The following SLC25A21 variants were observed in gnomAD, a reference collection of about 807,000 sequenced individuals.
SLC25A21 encodes mitochondrial 2-oxodicarboxylate carrier.
A neutral mutation model predicts 43.8 loss-of-function variants in SLC25A21; 47 were observed. That is an observed-to-expected ratio of 1.07 (90% CI 0.85 to 1.37). SLC25A21 has a LOEUF of 1.37. Among genes scored for constraint, SLC25A21 ranks in the 40% most tolerant of loss-of-function variants. The pLI, the probability that SLC25A21 is intolerant of heterozygous loss-of-function variation, is 0.00. For synonymous variants in SLC25A21, 131 were observed against 121.3 expected (o/e 1.08, Z -0.52); for missense variants, 352 against 350.2 (o/e 1.00, Z -0.04).
rs1882177216 is a variant in SLC25A21 at position 36,680,425 on chromosome 14, TTAAA to T, written c.*229_*232del. On this transcript the variant is annotated 3_prime_UTR_variant, in exon 10 of 10. Transcript: ENST00000331299. ...TCTATGCTATTTTTCTATATTCACT[TTAAA>T]TACCTCATTGTTTCATATTATTTTT... is the stretch of plus-strand genomic sequence containing the variant. The T allele has an allele frequency of 2.6e-6, 3 of 1,151,614 alleles. No individual in the cohort carries two copies. Among genetic ancestry groups the T allele is most frequent in the Non-Finnish European group, 3.2e-6 (3 of 929,274 alleles). 71.3% of individuals were successfully genotyped at this position (1,151,614 alleles called of 1,614,324 possible). A position where few individuals can be genotyped will look rare whatever the true frequency, so the allele number is the denominator to read the frequency against.
intron 1 of SLC25A21, among the ~76,000 whole-genome samples, chr14:36,915,649 T>C (rs141675012): frequency 2.8e-4 from 43 of 152,268 alleles, no homozygotes; most frequent in Admixed American, 1.4e-3. Flanking sequence ...CATCTGACTT[T>C]AATTGAACAG....
intron 6 of SLC25A21, among the ~76,000 whole-genome samples, chr14:36,716,298 C>A (rs907841991): frequency 6.6e-6 from 1 of 151,868 alleles, no homozygotes; most frequent in Non-Finnish European, 1.5e-5. Flanking sequence ...GGGTGCAAAG[C>A]GTCAGCAGGA....
intron 1 of SLC25A21, among the ~76,000 whole-genome samples, chr14:37,019,171 T>G (rs1355759150): frequency 6.6e-6 from 1 of 151,954 alleles, no homozygotes; most frequent in African/African-American, 2.4e-5. Context: ...CCACCAGCTC[T>G]CCAACCTCAT....
chr14:36,789,099 T>A (rs2138394592), intron 3 of SLC25A21, among the ~76,000 whole-genome samples: 1 of 152,374 alleles, frequency 6.6e-6, no homozygotes, highest in East Asian at 1.9e-4. Context: ...ATTGTCCACT[T>A]AATTTCATTT....
intron 2 of SLC25A21, among the ~76,000 whole-genome samples, chr14:36,871,903 A>T (rs571825787): frequency 6.1e-4 from 93 of 152,336 alleles, no homozygotes; most frequent in African/African-American, 2.2e-3. Context: ...CATAAAAATT[A>T]CAGGAAAAAT....
intron 1 of SLC25A21, among the ~76,000 whole-genome samples, chr14:37,084,358 T>C (rs74407029): frequency 0.048 from 7,297 of 152,284 alleles, 577 homozygotes; most frequent in African/African-American, 0.17. Flanking sequence ...GATGATGAAC[T>C]GGTGGTAGGG....
intron 1 of SLC25A21, among the ~76,000 whole-genome samples, chr14:37,055,773 C>T (rs1950815): frequency 0.013 from 1,974 of 152,190 alleles, 31 homozygotes; most frequent in African/African-American, 0.04. Flanking sequence ...TAAAAGAGTA[C>T]GTAATAGCTC....
chr14:36,858,678 G>A (rs746671223), intron 2 of SLC25A21, among the ~76,000 whole-genome samples: 54 of 152,100 alleles, frequency 3.6e-4, no homozygotes, highest in Non-Finnish European at 6.3e-4. Flanking sequence ...CCCTGTTACC[G>A]CTTGAAACCT....
chr14:36,817,215 GAA>G (rs11417899), intron 2 of SLC25A21, among the ~76,000 whole-genome samples: 1 of 150,950 alleles, frequency 6.6e-6, no homozygotes, highest in African/African-American at 2.4e-5. Flanking sequence ...AAAGAAATAT[GAA>G]AAAAAAACCT....
chr14:36,937,966 A>G (rs1402123547), intron 1 of SLC25A21, among the ~76,000 whole-genome samples: 40 of 152,148 alleles, frequency 2.6e-4, no homozygotes. Flanking sequence ...AAATCCATCT[A>G]TTATTTCAGA....
In SLC25A21 at chr14:36,846,124, T is replaced by C. The variant is rs562659315; in HGVS notation, c.119+28832A>G. ...TTTACATTTAAACCCCCAAACCACA[T>C]TACTTCGCCTTGCAACTTAGTGAAC... On this transcript the variant is annotated intron_variant, in intron 2 of 9. Transcript: ENST00000331299. 9.2e-5 allele frequency among the ~76,000 whole-genome samples: 14 copies of C among 152,304 alleles called. No individual in the cohort carries two copies. In the South Asian group the frequency reaches 2.9e-3, roughly 32 times the overall value.
chr14:37,031,746 A>G (rs1961215461), intron 1 of SLC25A21, among the ~76,000 whole-genome samples: 1 of 152,236 alleles, frequency 6.6e-6, no homozygotes, highest in Non-Finnish European at 1.5e-5. Context: ...AAAGGACCTT[A>G]GAAACTATCA....
At chr14:36,750,409 G>C (rs2139258221) in intron 3 of SLC25A21, among the ~76,000 whole-genome samples, 1 of 152,256 alleles carries the variant, frequency 6.6e-6, no homozygotes, top group African/African-American at 2.4e-5. Context: ...TCTCCATGGA[G>C]GCAGAACCTA....
intron 3 of SLC25A21, among the ~76,000 whole-genome samples, chr14:36,810,226 A>T (rs1405294002): frequency 2.0e-5 from 3 of 152,184 alleles, no homozygotes; most frequent in African/African-American, 7.2e-5. Flanking sequence ...GTATAGAAAA[A>T]GGCCAATTCC....
Position 36,693,737 on chromosome 14 carries a change from G to A in SLC25A21, c.604-8812C>T, listed in dbSNP as rs761108817. Among the ~76,000 whole-genome samples the A allele has an allele frequency of 4.8e-4, 73 of 152,080 alleles. 1 individual carries two copies. Among genetic ancestry groups the A allele is most frequent in the African/African-American group, 1.7e-3 (71 of 41,488 alleles). On this transcript the variant is annotated intron_variant, in intron 7 of 9. Transcript: ENST00000331299. The stretch of plus-strand genomic sequence containing the variant: ...TAACCACAACCTCCTGGGCTCAAGC[G>A]ATCCTCCCACCTCAGCTTCCCGAGT...
chr14:36,807,560 G>T (rs1888086367), intron 3 of SLC25A21, among the ~76,000 whole-genome samples: 1 of 152,134 alleles, frequency 6.6e-6, no homozygotes, highest in African/African-American at 2.4e-5. Context: ...GGTTTCCAGA[G>T]ACTACTTTGC....
At chr14:36,903,696 T>C (rs1040219033) in intron 1 of SLC25A21, among the ~76,000 whole-genome samples, 1 of 143,846 alleles carries the variant, frequency 7.0e-6, no homozygotes, top group African/African-American at 2.6e-5. Flanking sequence ...AAAATCAGAG[T>C]TCTAGATTGC....
chr14:36,782,833 G>A (rs1412758239), intron 3 of SLC25A21, among the ~76,000 whole-genome samples: 3 of 150,332 alleles, frequency 2.0e-5, no homozygotes, highest in Non-Finnish European at 4.4e-5. Context: ...GGATAGCATT[G>A]GGAGATATAC....
At chr14:37,164,756 C>T (rs1400216872) in intron 1 of SLC25A21, among the ~76,000 whole-genome samples, 1 of 152,054 alleles carries the variant, frequency 6.6e-6, no homozygotes, top group Non-Finnish European at 1.5e-5. Flanking sequence ...TTTTATTAGC[C>T]TTTTCAGGTT....
Sources: allele counts gnomAD v4.1 joint callset (sites outside exome capture counted in the v4.1 genomes callset), GRCh38; gene constraint gnomAD v4.1.1; transcripts MANE v1.5; gene names NCBI Gene and HGNC (gene_info 2026-07-23, HGNC 2026-07-21).